TSGA10: variants seen among roughly 807,000 people sequenced by gnomAD.
The protein encoded by TSGA10 is testis-specific gene 10 protein.
In TSGA10, 43 loss-of-function variants were observed where a neutral mutation model predicts 96.6. The observed-to-expected ratio is 0.44, with a 90% CI of 0.35 to 0.57. TSGA10 has a LOEUF of 0.57. TSGA10 is among the 20% of genes least tolerant of loss of function. TSGA10 has a pLI of 0.01. For missense variants in TSGA10, 703 were observed against 834.4 expected (o/e 0.84, Z 1.94); for synonymous variants, 229 against 269.9 (o/e 0.85, Z 1.48).
intron 17 of TSGA10, among the ~76,000 whole-genome samples, chr2:99,030,529 G>T (rs1165192749): frequency 6.6e-6 from 1 of 151,640 alleles, no homozygotes; most frequent in Non-Finnish European, 1.5e-5. Flanking sequence ...TGTCTGTAGT[G>T]CCACCTAGCT....
intron 14 of TSGA10, among the ~76,000 whole-genome samples, chr2:99,069,632 C>G (rs1436086958): frequency 1.1e-5 from 1 of 92,992 alleles, no homozygotes; most frequent in Non-Finnish European, 2.0e-5. Context: ...GAACCCAACT[C>G]TACAATAAAT....
intron 10 of TSGA10, among the ~76,000 whole-genome samples, chr2:99,096,564 C>T (rs988129434): frequency 5.3e-5 from 8 of 152,184 alleles, no homozygotes; most frequent in African/African-American, 1.9e-4. Context: ...GCTATTTCTT[C>T]CTTAATTCCC....
intron 16 of TSGA10, among the ~76,000 whole-genome samples, chr2:99,054,401 C>T (rs903438769): frequency 5.9e-5 from 9 of 152,006 alleles, no homozygotes; most frequent in East Asian, 1.9e-4. Context: ...AGACCTGAAA[C>T]GGTAAAACTG....
intron 1 of TSGA10, chr2:99,147,394 T>A: frequency 7.5e-7 from 1 of 1,330,922 alleles, no homozygotes; most frequent in Non-Finnish European, 1.1e-6. Context: ...CTTACATATA[T>A]ATTCCAGATT....
chr2:99,154,950 G>T (rs1248413254), upstream of TSGA10: 3 of 453,944 alleles, frequency 6.6e-6, no homozygotes, highest in Admixed American at 7.1e-5. Context: ...CTCAGGGGGC[G>T]GGGCAGCATC....
At chr2:99,132,422 T>C (rs936106713) in intron 1 of TSGA10, among the ~76,000 whole-genome samples, 2 of 152,062 alleles carry the variant, frequency 1.3e-5, no homozygotes, top group African/African-American at 2.4e-5. Context: ...TGTAGAGACG[T>C]TTATAGTATT....
intron 16 of TSGA10, among the ~76,000 whole-genome samples, chr2:99,062,686 G>A (rs2084830637): frequency 6.6e-6 from 1 of 152,182 alleles, no homozygotes; most frequent in Non-Finnish European, 1.5e-5. Context: ...GGTGAGCTAT[G>A]ATTGTACCAC....
At chr2:99,094,727 G>A (rs2089826590) in intron 10 of TSGA10, among the ~76,000 whole-genome samples, 1 of 152,088 alleles carries the variant, frequency 6.6e-6, no homozygotes, top group African/African-American at 2.4e-5. Context: ...GCAAGAATTG[G>A]CCATAATCAA....
chr2:99,025,203 G>C (rs1372148831), intron 17 of TSGA10, among the ~76,000 whole-genome samples: 1 of 152,146 alleles, frequency 6.6e-6, no homozygotes, highest in Admixed American at 6.5e-5. Flanking sequence ...CAAAAATGCT[G>C]GATCAATGCA....
intron 10 of TSGA10, among the ~76,000 whole-genome samples, chr2:99,100,327 C>T (rs577899190): frequency 6.6e-6 from 1 of 151,988 alleles, no homozygotes; most frequent in Non-Finnish European, 1.5e-5. Flanking sequence ...GGTACAAGAA[C>T]CATGTAAAAG....
intron 20 of TSGA10, among the ~76,000 whole-genome samples, chr2:99,002,541 G>T (rs1197716295): frequency 6.6e-6 from 1 of 152,198 alleles, no homozygotes; most frequent in Admixed American, 6.5e-5. Context: ...ATGCCAAATT[G>T]TAAAGACCAT....
At chr2:99,031,740 C>A (rs1001768292) in intron 17 of TSGA10, among the ~76,000 whole-genome samples, 1 of 152,186 alleles carries the variant, frequency 6.6e-6, no homozygotes, top group Non-Finnish European at 1.5e-5. Flanking sequence ...TACAACTGCT[C>A]CCCATTACTC....
chr2:99,092,652 C>T (rs963808568), intron 10 of TSGA10, among the ~76,000 whole-genome samples: 47 of 152,020 alleles, frequency 3.1e-4, no homozygotes, highest in Admixed American at 9.2e-4. Context: ...CACCTTCACA[C>T]GCATAAACTA....
rs191961053 is a variant in TSGA10, at chr2:99,069,650, T to C, written c.1108-652A>G. Among the ~76,000 whole-genome samples the C allele has an allele frequency of 2.3e-4, 35 of 150,798 alleles. 1 individual carries two copies. In the East Asian group the frequency reaches 6.6e-3, roughly 28 times the overall value. ...CCCAACTCTACAATAAATAAATAAA[T>C]AAATAAATAAATAATAATTAAAAAG... On this transcript the variant is annotated intron_variant, in intron 14 of 20. Coordinates refer to ENST00000393483, the MANE Select transcript of TSGA10 (RefSeq NM_025244.4).
intron 6 of TSGA10, among the ~76,000 whole-genome samples, 190 bp downstream of exon 6, chr2:99,109,199 T>G (rs2091611619): frequency 6.6e-6 from 1 of 152,256 alleles, no homozygotes; most frequent in African/African-American, 2.4e-5. Context: ...CAAGTGCTAA[T>G]TATGCTGAGG....
At chr2:99,060,432 A>G (rs893731226) in intron 16 of TSGA10, among the ~76,000 whole-genome samples, 1 of 152,198 alleles carries the variant, frequency 6.6e-6, no homozygotes, top group African/African-American at 2.4e-5. Flanking sequence ...GTTGAGAGAA[A>G]TAAAAGACCT....
intron 10 of TSGA10, among the ~76,000 whole-genome samples, chr2:99,103,421 C>G (rs1489081613): frequency 6.6e-6 from 1 of 152,190 alleles, no homozygotes; most frequent in Non-Finnish European, 1.5e-5. Flanking sequence ...TTCTCCCAAG[C>G]TTATTGCTGT....
At chr2:99,147,593 C>G (rs539038519) in intron 1 of TSGA10, 14 of 1,018,374 alleles carry the variant, frequency 1.4e-5, no homozygotes, top group Middle Eastern at 2.4e-4. Flanking sequence ...TTATATGTTA[C>G]CATTCTTTTA....
chr2:99,091,647 G>A (rs533178885), intron 10 of TSGA10, among the ~76,000 whole-genome samples: 1 of 152,226 alleles, frequency 6.6e-6, no homozygotes, highest in East Asian at 1.9e-4. Context: ...GCAAGCAAGA[G>A]TAGCTATTCT....
Sources: gnomAD v4.1 joint callset for allele counts (sites outside exome capture counted in the v4.1 genomes callset) on GRCh38, gnomAD v4.1.1 for gene constraint, MANE v1.5 for transcripts, NCBI Gene and HGNC (gene_info 2026-07-23, HGNC 2026-07-21) for gene names.